EMILIN2: variants seen among roughly 807,000 people sequenced by gnomAD.
The protein encoded by EMILIN2 is elastin microfibril interfacer 2, also known as EMILIN-2.
A neutral mutation model predicts 87.1 loss-of-function variants in EMILIN2; 71 were observed. That is an observed-to-expected ratio of 0.82 (90% confidence interval 0.67 to 0.99). The LOEUF is 0.99. Among genes scored for constraint, EMILIN2 ranks in the 50% least tolerant of loss-of-function variants. EMILIN2 has a pLI of 0.00. For missense variants in EMILIN2, 1,407 were observed against 1,371.8 expected (o/e 1.03, Z -0.40); for synonymous variants, 581 against 563.4 (o/e 1.03, Z -0.44).
chr18:2,873,448 C>T (rs1417454625), intron 2 of EMILIN2, among the ~76,000 whole-genome samples: 1 of 150,370 alleles, frequency 6.7e-6, no homozygotes, highest in Non-Finnish European at 1.5e-5. Context: ...TAGCTCACGC[C>T]TATAATCCCA....
chr18:2,857,733 T>G (rs2076635147), intron 2 of EMILIN2, among the ~76,000 whole-genome samples: 1 of 152,184 alleles, frequency 6.6e-6, no homozygotes, highest in African/African-American at 2.4e-5. Context: ...ATTTCACACA[T>G]TCCAGAACCT....
chr18:2,907,710 C>T (rs1367488304), intron 5 of EMILIN2, among the ~76,000 whole-genome samples: 1 of 152,210 alleles, frequency 6.6e-6, no homozygotes, highest in Non-Finnish European at 1.5e-5. Context: ...GGATACCCAC[C>T]ACGTGCCAGG....
rs147770694 is a variant in EMILIN2, at chr18:2,915,359, G to T, written c.*1955G>T. The T allele has an allele frequency of 0.014, 2,183 of 152,334 alleles. 22 individuals are homozygous for T. The highest frequency in any genetic ancestry group is 0.022 in the Non-Finnish European group (1,524 of 68,046). 9.4% of individuals were successfully genotyped at this position (152,334 alleles called of 1,614,324 possible). ...CACTTAGGAGACATCTTTAGAAAGGGAAAGGCTGTCTTTTTGTACAGGTAG... is the reference window on the plus strand; with the variant it reads ...CACTTAGGAGACATCTTTAGAAAGGTAAAGGCTGTCTTTTTGTACAGGTAG... On this transcript the variant is annotated 3_prime_UTR_variant, in exon 8 of 8. Coordinates refer to ENST00000254528, the MANE Select transcript of EMILIN2 (RefSeq NM_032048.3).
intron 2 of EMILIN2, among the ~76,000 whole-genome samples, chr18:2,871,307 G>C (rs1309689206): frequency 1.3e-5 from 2 of 152,176 alleles, no homozygotes; most frequent in Non-Finnish European, 2.9e-5. Flanking sequence ...GAACTCCTGG[G>C]CTCAAGTGAT....
chr18:2,885,085 A>G lies in EMILIN2; in HGVS notation c.379A>G (p.Lys127Glu). The G allele has an allele frequency of 6.2e-7, 1 of 1,613,712 alleles. No homozygotes were observed. The highest frequency in any genetic ancestry group is 8.5e-7 in the Non-Finnish European group (1 of 1,179,924). ...CCAAGAAGGTCCCAAAGACCCCGTG[A>G]AGACCCTCCGCCCCACGCCGGCTCG... ...DCQEGPKDPV[K>E]TLRPTPARPR... is the part of the protein sequence containing the mutation. The change falls in exon 3 of 8, where the codon AAG becomes GAG. Residue 127 changes from lysine (K) to glutamate (E), a missense_variant. Physicochemically the swap from Lys to Glu is moderately conservative, Grantham distance 56 (BLOSUM62 1). Transcript: ENST00000254528.
Position 2,847,213 on chromosome 18 carries a change from C to T in EMILIN2, c.25C>T (p.Pro9Ser). ...GATGTGGCAGCCCAGACGGCCCTGG[C>T]CCCGCGTGCCCTGGCGCTGGGCGCT... MWQPRRPWPRVPWRWALAL... is the reference protein window; with the variant it reads MWQPRRPWSRVPWRWALAL... The change falls in exon 1 of 8, where the codon CCC becomes TCC. Residue 9 changes from proline (P) to serine (S), a missense_variant. By Grantham distance (74) the Pro-to-Ser change is moderately conservative (BLOSUM62 -1). Coordinates refer to ENST00000254528, the MANE Select transcript of EMILIN2 (RefSeq NM_032048.3). The surrounding 1 kb of genome is among the most constrained non-coding windows in gnomAD (Gnocchi z 4.5). 1 of 1,238,770 alleles carries T rather than the reference C, an allele frequency of 8.1e-7. No homozygotes were observed. Among genetic ancestry groups the T allele is most frequent in the Non-Finnish European group, 1.0e-6 (1 of 991,272 alleles). The allele number at this position is 1,238,770 out of a possible 1,614,324, so 76.7% of individuals were successfully genotyped here. A position where few individuals can be genotyped will look rare whatever the true frequency, so the allele number is the denominator to read the frequency against.
chr18:2,879,147 G>T (rs1463802042), intron 2 of EMILIN2, among the ~76,000 whole-genome samples: 1 of 152,116 alleles, frequency 6.6e-6, no homozygotes, highest in Non-Finnish European at 1.5e-5. Context: ...GTTGATGGGG[G>T]TTAGGGATCA....
chr18:2,901,899 A>C (rs1039077298), intron 4 of EMILIN2, among the ~76,000 whole-genome samples: 4 of 152,132 alleles, frequency 2.6e-5, no homozygotes, highest in Non-Finnish European at 5.9e-5. Flanking sequence ...TCGCTTTTTC[A>C]TGACTGTCTC....
chr18:2,846,875 A>C (rs1227936699), upstream of EMILIN2: 2 of 984,676 alleles, frequency 2.0e-6, no homozygotes, highest in Non-Finnish European at 2.4e-6. The surrounding 1 kb of genome is among the most constrained non-coding windows in gnomAD (Gnocchi z 5.3). Context: ...AAGCGAAGGG[A>C]CTGGAGACGG....
chr18:2,858,903 T>C lies in EMILIN2; in HGVS notation c.257+10972T>C, dbSNP rs902543896. On this transcript the variant is annotated intron_variant, in intron 2 of 7. Transcript: ENST00000254528. ...CACCCACCCCAGCCTCCCAAAGTGC[T>C]GGGATTACAGGCGTGAGCCACCACA... Among the ~76,000 whole-genome samples, 14 of 152,214 alleles carry C rather than the reference T, an allele frequency of 9.2e-5. 1 individual carries two copies. Among genetic ancestry groups the C allele is most frequent in the Admixed American group, 1.3e-4 (2 of 15,280 alleles).
In EMILIN2 at chr18:2,915,839, A is replaced by T. The variant is rs915566855; in HGVS notation, c.*2435A>T. 1 of 152,192 alleles carries T rather than the reference A, an allele frequency of 6.6e-6. No homozygotes were observed. The highest frequency in any genetic ancestry group is 1.5e-5 in the Non-Finnish European group (1 of 68,066). The allele number at this position is 152,192 out of a possible 1,614,324, so 9.4% of individuals were successfully genotyped here. A position where few individuals can be genotyped will look rare whatever the true frequency, so the allele number is the denominator to read the frequency against. On this transcript the variant is annotated 3_prime_UTR_variant, in exon 8 of 8. Coordinates refer to ENST00000254528, the MANE Select transcript of EMILIN2 (RefSeq NM_032048.3). ...CGCCCAGCCAAGTTCACAACTTCTG[A>T]TATCAAGTTGTTGCTGAGAAAAGGT...
At chr18:2,896,261 C>T (rs528972071) in intron 4 of EMILIN2, among the ~76,000 whole-genome samples, 4 of 152,124 alleles carry the variant, frequency 2.6e-5, no homozygotes, top group South Asian at 2.1e-4. Context: ...CTGCAACCTC[C>T]GCCTCCCGGG....
At chr18:2,886,466 A>G (rs574531524) in intron 3 of EMILIN2, among the ~76,000 whole-genome samples, 1 of 152,324 alleles carries the variant, frequency 6.6e-6, no homozygotes, top group South Asian at 2.1e-4. Context: ...TTCCCTTCCC[A>G]TGGGTAGTAC....
At chr18:2,863,819 G>A (rs1323333260) in intron 2 of EMILIN2, among the ~76,000 whole-genome samples, 1 of 152,144 alleles carries the variant, frequency 6.6e-6, no homozygotes, top group African/African-American at 2.4e-5. Context: ...TGACAGTGGG[G>A]TGTTAAAGTC....
At chr18:2,862,403 G>A (rs942691087) in intron 2 of EMILIN2, among the ~76,000 whole-genome samples, 24 of 152,162 alleles carry the variant, frequency 1.6e-4, no homozygotes, top group Admixed American at 1.5e-3. Context: ...TTTGAGATAC[G>A]TCCCATCAAT....
intron 2 of EMILIN2, among the ~76,000 whole-genome samples, chr18:2,858,187 T>TG (rs1346325955): frequency 2.0e-5 from 3 of 152,012 alleles, no homozygotes; most frequent in Non-Finnish European, 4.4e-5. Flanking sequence ...CATAGGTTTT[T>TG]GGGGAATGGC....
intron 4 of EMILIN2, among the ~76,000 whole-genome samples, chr18:2,893,042 G>T (rs1201731796): frequency 6.6e-6 from 1 of 151,910 alleles, no homozygotes; most frequent in African/African-American, 2.4e-5. Flanking sequence ...ACAGAGTGAG[G>T]CTCCATCTCA....
At chr18:2,883,926 G>A (rs2076789627) in intron 2 of EMILIN2, among the ~76,000 whole-genome samples, 1 of 152,134 alleles carries the variant, frequency 6.6e-6, no homozygotes, top group African/African-American at 2.4e-5. Flanking sequence ...CAGACATGAT[G>A]GAGAGCAGGG....
chr18:2,893,567 T>C (rs1196817528), intron 4 of EMILIN2, among the ~76,000 whole-genome samples: 2 of 152,198 alleles, frequency 1.3e-5, no homozygotes, highest in African/African-American at 4.8e-5. Flanking sequence ...TTTTGTTACT[T>C]GTGGGTGCTA....
Sources: allele counts gnomAD v4.1 joint callset (sites outside exome capture counted in the v4.1 genomes callset), GRCh38; gene constraint gnomAD v4.1.1; non-coding constraint Gnocchi (gnomAD v3.1); transcripts MANE v1.5; gene names NCBI Gene and HGNC (gene_info 2026-07-23, HGNC 2026-07-21).